The following PPP1R1C variants were observed in gnomAD, a reference collection of about 807,000 sequenced individuals.
PPP1R1C encodes protein phosphatase 1 regulatory inhibitor subunit 1C.
Under a neutral mutation model 17.4 loss-of-function variants are expected in PPP1R1C, and 15 were observed. The ratio of observed to expected loss-of-function variants is 0.86; its 90% CI spans 0.58 to 1.33. The LOEUF is 1.33. Ranked by LOEUF, PPP1R1C falls within the 40% of genes most tolerant of loss-of-function variation. The pLI, the probability that PPP1R1C is intolerant of heterozygous loss-of-function variation, is 0.00. For synonymous variants in PPP1R1C, 35 were observed against 43.1 expected, an observed-to-expected ratio of 0.81 and a Z score of 0.73; for missense variants, 143 against 130.0, an observed-to-expected ratio of 1.10 and a Z score of -0.48.
At chr2:182,089,666 A>C (rs1004159343) in intron 4 of PPP1R1C, among the ~76,000 whole-genome samples, 3 of 152,184 alleles carry the variant, frequency 2.0e-5, no homozygotes, top group African/African-American at 7.2e-5. Flanking sequence ...GGTATTATTT[A>C]AAACAACGAT....
At chr2:181,971,804 C>T (rs112148340) in intron 1 of PPP1R1C, among the ~76,000 whole-genome samples, 81 of 152,232 alleles carry the variant, frequency 5.3e-4, no homozygotes, top group African/African-American at 1.9e-3. Context: ...TCTATAGATG[C>T]CGGCTTAGTT....
At chr2:182,056,560 A>G (rs1426411129) in intron 2 of PPP1R1C, among the ~76,000 whole-genome samples, 1 of 152,168 alleles carries the variant, frequency 6.6e-6, no homozygotes, top group Non-Finnish European at 1.5e-5. Context: ...TAAAATGAAG[A>G]TTCAAGTGAC....
chr2:181,985,211 A>C (rs1031158829), upstream of PPP1R1C, among the ~76,000 whole-genome samples: 3 of 152,234 alleles, frequency 2.0e-5, no homozygotes, highest in Non-Finnish European at 4.4e-5. This position sits in a 1 kb window ranked among gnomAD's most constrained non-coding sequence, Gnocchi z 4.1. Flanking sequence ...TTAGCAGCAC[A>C]ATACTTTCCA....
chr2:182,118,212 G>A (rs970677121), downstream of PPP1R1C, among the ~76,000 whole-genome samples: 8 of 151,990 alleles, frequency 5.3e-5, no homozygotes, highest in South Asian at 4.2e-4. Flanking sequence ...ACTATGCTGC[G>A]AATTATAGAA....
intron 2 of PPP1R1C, among the ~76,000 whole-genome samples, chr2:181,998,780 G>C (rs1368960286): frequency 6.6e-6 from 1 of 152,158 alleles, no homozygotes; most frequent in Non-Finnish European, 1.5e-5. Flanking sequence ...GCTTAAGCTG[G>C]ATTTGCTTCC....
At chr2:182,029,594 A>G (rs2125169735) in intron 2 of PPP1R1C, among the ~76,000 whole-genome samples, 1 of 136,662 alleles carries the variant, frequency 7.3e-6, no homozygotes, top group Admixed American at 7.4e-5. Context: ...TGTTAGTCTG[A>G]TGGGCTTCCC....
At chr2:182,006,902 G>C (rs745538703) in intron 2 of PPP1R1C, among the ~76,000 whole-genome samples, 2 of 152,162 alleles carry the variant, frequency 1.3e-5, no homozygotes, top group African/African-American at 2.4e-5. Context: ...TGTTCATCAT[G>C]TTGGTCTTCA....
intron 2 of PPP1R1C, among the ~76,000 whole-genome samples, chr2:181,977,897 C>G (rs1160695467): frequency 6.6e-6 from 1 of 152,170 alleles, no homozygotes; most frequent in East Asian, 1.9e-4. Context: ...AGTCTGGGCT[C>G]CACTGGGGCT....
downstream of PPP1R1C, among the ~76,000 whole-genome samples, chr2:182,122,335 C>CT (rs926754021): frequency 2.6e-5 from 4 of 151,818 alleles, no homozygotes; most frequent in South Asian, 8.4e-4. Flanking sequence ...AGGAAAAATC[C>CT]TTTTTTTTAT....
chr2:182,068,889 T>A (rs1031456174), intron 4 of PPP1R1C, among the ~76,000 whole-genome samples: 10 of 152,196 alleles, frequency 6.6e-5, no homozygotes, highest in Non-Finnish European at 1.3e-4. Context: ...TGTATTGGAA[T>A]GTGACCAGTT....
At chr2:182,093,790 A>G (rs149671062) in intron 4 of PPP1R1C, among the ~76,000 whole-genome samples, 17 of 152,326 alleles carry the variant, frequency 1.1e-4, no homozygotes, top group African/African-American at 4.1e-4. Flanking sequence ...TCCATCTGAG[A>G]CCACTTCAGC....
intron 2 of PPP1R1C, among the ~76,000 whole-genome samples, chr2:182,027,902 T>C (rs181694121): frequency 0.92 from 103,388 of 112,924 alleles, 47,734 homozygotes; most frequent in Non-Finnish European, 0.97. Flanking sequence ...TGTTATTGGT[T>C]TATTCAGAGA....
chr2:182,108,642 C>T (rs1056667494), intron 4 of PPP1R1C, among the ~76,000 whole-genome samples: 2 of 152,080 alleles, frequency 1.3e-5, no homozygotes, highest in Non-Finnish European at 2.9e-5. Context: ...CCATATAAAA[C>T]TTTCTTCATC....
chr2:182,129,120 A>G (rs1689944737), exon 6 of PPP1R1C: 1 of 152,124 alleles, frequency 6.6e-6, no homozygotes, highest in Admixed American at 6.6e-5. Context: ...CTCCTGAAGC[A>G]CTTTAGATAT....
intron 2 of PPP1R1C, among the ~76,000 whole-genome samples, chr2:182,055,867 A>G (rs1448906711): frequency 6.6e-6 from 1 of 152,176 alleles, no homozygotes; most frequent in Non-Finnish European, 1.5e-5. Flanking sequence ...TTGCTTTTTA[A>G]GCAGCATTCC....
At chr2:182,043,582 G>A (rs1393468745) in intron 2 of PPP1R1C, among the ~76,000 whole-genome samples, 4 of 152,090 alleles carry the variant, frequency 2.6e-5, no homozygotes, top group African/African-American at 9.7e-5. Context: ...GTTTACACAT[G>A]TGCCACTCAT....
intron 2 of PPP1R1C, among the ~76,000 whole-genome samples, chr2:182,043,289 G>GAACAGGGA (rs1398113411): frequency 1.1e-4 from 16 of 152,126 alleles, no homozygotes; most frequent in Admixed American, 2.6e-4. Flanking sequence ...GATTTCCAAA[G>GAACAGGGA]AGTCTTGTGA....
rs181601854 is a variant in PPP1R1C at position 182,123,214 on chromosome 2, G to A, written c.*7-5760G>A. 2.0e-3 allele frequency among the ~76,000 whole-genome samples: 308 copies of A among 152,252 alleles called. 2 individuals carry two copies. The highest frequency in any genetic ancestry group is 3.4e-3 in the Middle Eastern group (1 of 294). ...TTTTTATGGCTGCATAGTATTCCAT[G>A]GTGTATATGTGCCACATTTTATTTA... On this transcript the variant is annotated intron_variant, in intron 5 of 5. Coordinates refer to the PPP1R1C transcript ENST00000280295.
In PPP1R1C at chr2:182,088,928, T is replaced by C. The variant is rs539605356; in HGVS notation, c.241+25137T>C. On this transcript the variant is annotated intron_variant, in intron 4 of 4. Coordinates refer to ENST00000682840, the MANE Select transcript of PPP1R1C (RefSeq NM_001080545.3). ...TCCTTATTCAAATTCATTTACTCTA[T>C]CTTAATAAAATCCCAATAGGAACTA... Among the ~76,000 whole-genome samples the C allele has an allele frequency of 5.3e-5, 8 of 152,320 alleles. No individual in the cohort carries two copies. The South Asian group carries it at 1.0e-3, about 20-fold the overall frequency.
Sources: allele counts gnomAD v4.1 joint callset (sites outside exome capture counted in the v4.1 genomes callset), GRCh38; gene constraint gnomAD v4.1.1; non-coding constraint Gnocchi (gnomAD v3.1); transcripts MANE v1.5; gene names NCBI Gene and HGNC (gene_info 2026-07-23, HGNC 2026-07-21).